The following MYLIP variants were observed in gnomAD, a reference collection of about 807,000 sequenced individuals.
MYLIP encodes E3 ubiquitin-protein ligase MYLIP.
Under a neutral mutation model 45.8 loss-of-function variants are expected in MYLIP, and 26 were observed. The ratio of observed to expected loss-of-function variants is 0.57; its 90% confidence interval spans 0.42 to 0.79. The LOEUF (loss-of-function observed/expected upper bound fraction) is 0.79. MYLIP is among the 30% of genes least tolerant of loss of function. The probability of loss-of-function intolerance (pLI) is 0.00; values close to 1 mark genes in which losing one functional copy is unlikely to be tolerated. For missense variants in MYLIP, 494 were observed against 555.6 expected (o/e 0.89, Z 1.11); for synonymous variants, 213 against 218.1 (o/e 0.98, Z 0.21).
At position 16,143,015 on chromosome 6, in the gene MYLIP, T is replaced by C; in HGVS notation, c.465-5T>C. The C allele has an allele frequency of 6.2e-7, 1 of 1,613,042 alleles. No homozygotes were observed. The highest frequency in any genetic ancestry group is 8.5e-7 in the Non-Finnish European group (1 of 1,179,390). On this transcript the variant is annotated splice_polypyrimidine_tract_variant and splice_region_variant and intron_variant, in intron 3 of 6. Transcript: ENST00000356840. Reference sequence around the variant, plus strand: ...TTAATTCTCTGTCCTCTTGGTGTCCTCCAGCATTGTTGCAAAACATAAGGA... The same window carrying C: ...TTAATTCTCTGTCCTCTTGGTGTCCCCCAGCATTGTTGCAAAACATAAGGA...
At chr6:16,161,889 T>C in the MYLIP span, among the ~76,000 whole-genome samples, 1 of 152,192 alleles carries the variant, frequency 6.6e-6, no homozygotes, top group African/African-American at 2.4e-5. Context: ...TTTTACTAGA[T>C]GGAATGGACT....
At chr6:16,153,731 G>A in the MYLIP span, among the ~76,000 whole-genome samples, 27,523 of 152,158 alleles carry the variant, frequency 0.18, 2,711 homozygotes, top group South Asian at 0.3. Context: ...GCCAGGCAAA[G>A]CTGCTGTGTC....
the MYLIP span, chr6:16,163,775 T>A: frequency 6.6e-6 from 1 of 152,260 alleles, no homozygotes; most frequent in Non-Finnish European, 1.5e-5. Context: ...TTGAAAGTTA[T>A]GTTTAAGAAG....
At chr6:16,136,799 A>G (rs190041677) in intron 2 of MYLIP, among the ~76,000 whole-genome samples, 4 of 152,242 alleles carry the variant, frequency 2.6e-5, no homozygotes, top group Non-Finnish European at 4.4e-5. Flanking sequence ...TTCTCTGACA[A>G]TTCATATTAA....
chr6:16,144,457 C>CA (rs1237844551), intron 5 of MYLIP, among the ~76,000 whole-genome samples: 12 of 152,202 alleles, frequency 7.9e-5, no homozygotes, highest in African/African-American at 2.7e-4. Flanking sequence ...TGATTGGACT[C>CA]ACGTATTTGG....
Position 16,129,539 on chromosome 6 carries a change from G to A in MYLIP, c.87+130G>A. ...CACTGCGGCGGCAGCCGGGGGGAGCGCGTCCCCTCCTCTCCACGGGCGTGG... is the reference window on the plus strand; with the variant it reads ...CACTGCGGCGGCAGCCGGGGGGAGCACGTCCCCTCCTCTCCACGGGCGTGG... On this transcript the variant is annotated intron_variant, in intron 1 of 6. Transcript: ENST00000356840. This position sits in a 1 kb window ranked among gnomAD's most constrained non-coding sequence, Gnocchi z 5.1. 1 of 868,360 alleles carries A rather than the reference G, an allele frequency of 1.2e-6. No individual in the cohort carries two copies. The highest frequency in any genetic ancestry group is 1.8e-5 in the South Asian group (1 of 56,856). 53.8% of individuals were successfully genotyped at this position (868,360 alleles called of 1,614,324 possible).
chr6:16,151,370 AAAAAG>A (rs543175701), downstream of MYLIP, among the ~76,000 whole-genome samples: 840 of 152,010 alleles, frequency 5.5e-3, 7 homozygotes, highest in African/African-American at 0.019. Flanking sequence ...AAAAAAAAGA[AAAAAG>A]AAAAAGAAAA....
chr6:16,146,739 G>T lies in MYLIP; in HGVS notation c.1326G>T (p.Leu442=). 1 of 1,608,776 alleles carries T rather than the reference G, an allele frequency of 6.2e-7. No homozygotes were observed. The highest frequency in any genetic ancestry group is 1.1e-5 in the South Asian group (1 of 90,008). ...YLPTHTSLLN[L]TVI Reference sequence around the variant, plus strand: ...CAACGCACACCAGTCTTCTCAATCTGACTGTAATCTAATCTGTTGTGCTTT... The same window carrying T: ...CAACGCACACCAGTCTTCTCAATCTTACTGTAATCTAATCTGTTGTGCTTT... The change falls in exon 7 of 7, where the codon CTG becomes CTT. Residue 442 remains leucine (L), a synonymous_variant. Coordinates refer to ENST00000356840, the MANE Select transcript of MYLIP (RefSeq NM_013262.4).
intron 2 of MYLIP, among the ~76,000 whole-genome samples, chr6:16,139,181 T>A (rs1759613272): frequency 6.6e-6 from 1 of 152,182 alleles, no homozygotes; most frequent in Non-Finnish European, 1.5e-5. Context: ...GGCAGGCAGA[T>A]CATGAGGTCA....
At chr6:16,130,013 C>A (rs1759425335) in intron 1 of MYLIP, among the ~76,000 whole-genome samples, 1 of 152,146 alleles carries the variant, frequency 6.6e-6, no homozygotes, top group African/African-American at 2.4e-5. Flanking sequence ...GAGATCGGTG[C>A]CAAATAGTGC....
At chr6:16,139,892 C>G (rs1160013205) in intron 2 of MYLIP, among the ~76,000 whole-genome samples, 1 of 152,156 alleles carries the variant, frequency 6.6e-6, no homozygotes, top group Non-Finnish European at 1.5e-5. Context: ...AGAGTTTCAT[C>G]ATTTTAAATA....
chr6:16,141,849 A>G, intron 3 of MYLIP, 39 bp downstream of exon 3: 1 of 1,515,764 alleles, frequency 6.6e-7, no homozygotes. Context: ...CAACTAGAAT[A>G]GGCTTAAACA....
chr6:16,142,957 A>C (rs1759703750), intron 3 of MYLIP, 63 bp from the exon 4 acceptor site: 3 of 1,501,182 alleles, frequency 2.0e-6, no homozygotes, highest in African/African-American at 2.8e-5. Flanking sequence ...TGAAGACTAC[A>C]TAGGTTTATC....
chr6:16,153,278 A>G, the MYLIP span, among the ~76,000 whole-genome samples: 37 of 152,226 alleles, frequency 2.4e-4, no homozygotes, highest in African/African-American at 8.0e-4. Flanking sequence ...GATGAAGAAA[A>G]CGGTAGGATA....
rs2113560514 is a variant in MYLIP at position 16,143,745 on chromosome 6, G to T, written c.709G>T (p.Val237Leu). ...VQMATQSGKN[V>L]YLTVTKESGN... ...GATGGCCACCCAGTCAGGAAAGAATGTATATTTGACGGTCACCAAGGAATC... is the reference window on the plus strand; with the variant it reads ...GATGGCCACCCAGTCAGGAAAGAATTTATATTTGACGGTCACCAAGGAATC... The change falls in exon 5 of 7, where the codon GTA becomes TTA. Residue 237 changes from valine to leucine, a missense_variant. Val to Leu is a conservative substitution (Grantham distance 32, BLOSUM62 1). Coordinates refer to ENST00000356840, the MANE Select transcript of MYLIP (RefSeq NM_013262.4). 6.2e-7 allele frequency: 1 copy of T among 1,614,082 alleles called. No individual in the cohort carries two copies. The highest frequency in any genetic ancestry group is 8.5e-7 in the Non-Finnish European group (1 of 1,180,012).
intron 2 of MYLIP, among the ~76,000 whole-genome samples, chr6:16,134,598 G>A (rs1759514501): frequency 6.6e-6 from 1 of 152,108 alleles, no homozygotes; most frequent in Non-Finnish European, 1.5e-5. Context: ...CACTTTAACT[G>A]CAACCCATTT....
chr6:16,159,248 A>T, the MYLIP span, among the ~76,000 whole-genome samples: 1 of 152,238 alleles, frequency 6.6e-6, no homozygotes, highest in African/African-American at 2.4e-5. Context: ...GAAATAAAGC[A>T]TCGTGAGGAG....
intron 6 of MYLIP, 58 bp from the exon 7 acceptor site, chr6:16,146,604 C>T: frequency 7.2e-7 from 1 of 1,397,820 alleles, no homozygotes; most frequent in Non-Finnish European, 1.0e-6. Flanking sequence ...TGCACAGAGA[C>T]ACAGGCCCCC....
chr6:16,145,348 C>A (rs1185366754), intron 6 of MYLIP, 31 bp downstream of exon 6: 1 of 1,549,044 alleles, frequency 6.5e-7, no homozygotes, highest in South Asian at 1.2e-5. Context: ...CTTTTGCCTG[C>A]AGCCTCACCT....
Sources: gnomAD v4.1 joint callset for allele counts (sites outside exome capture counted in the v4.1 genomes callset) on GRCh38, gnomAD v4.1.1 for gene constraint, Gnocchi (gnomAD v3.1) non-coding constraint, MANE v1.5 for transcripts, NCBI Gene and HGNC (gene_info 2026-07-23, HGNC 2026-07-21) for gene names.